The following GABRG1 variants were observed in gnomAD, a reference collection of about 807,000 sequenced individuals.
GABRG1 encodes the protein gamma-aminobutyric acid type A receptor subunit gamma1.
In GABRG1, 49 loss-of-function variants were observed where a neutral mutation model predicts 49.8. The observed-to-expected ratio is 0.98, with a 90% confidence interval of 0.78 to 1.25. GABRG1 has a LOEUF of 1.25. Ranked by LOEUF, GABRG1 falls within the 50% of genes most tolerant of loss-of-function variation. GABRG1 has a pLI of 0.00. For synonymous variants in GABRG1, 232 were observed against 185.1 expected (o/e 1.25, Z -2.06); for missense variants, 552 against 552.3 (o/e 1.00, Z 0.01).
chr4:46,109,389 G>A (rs1017267549), intron 1 of GABRG1, among the ~76,000 whole-genome samples: 7 of 150,880 alleles, frequency 4.6e-5, no homozygotes, highest in African/African-American at 1.7e-4. Context: ...TTCTGATTGT[G>A]CTTATTTGGA....
At chr4:46,093,221 C>A (rs1402443663) in intron 2 of GABRG1, among the ~76,000 whole-genome samples, 2 of 151,804 alleles carry the variant, frequency 1.3e-5, no homozygotes, top group Admixed American at 6.6e-5. Flanking sequence ...GAAGGTGTAA[C>A]CATCGCAAAG....
At chr4:46,084,156 C>T (rs535669934) in intron 2 of GABRG1, 103 bp from the exon 3 acceptor site, 7 of 635,118 alleles carry the variant, frequency 1.1e-5, no homozygotes, top group African/African-American at 1.9e-5. Context: ...TATATTAACA[C>T]TTCAATCATA....
chr4:46,074,889 G>C (rs1719267004), intron 3 of GABRG1, among the ~76,000 whole-genome samples: 1 of 151,960 alleles, frequency 6.6e-6, no homozygotes, highest in South Asian at 2.1e-4. Context: ...AAAGAACACT[G>C]ATTGGATGGA....
chr4:46,101,417 T>C (rs915521151), intron 1 of GABRG1, among the ~76,000 whole-genome samples: 1 of 151,016 alleles, frequency 6.6e-6, no homozygotes, highest in Non-Finnish European at 1.5e-5. Context: ...CACATTTGGA[T>C]TGTGTGTGGC....
Position 46,041,233 on chromosome 4 carries a change from C to A in GABRG1, c.1153G>T (p.Gly385Ter). 1 of 1,612,406 alleles carries A rather than the reference C, an allele frequency of 6.2e-7. No individual in the cohort carries two copies. The highest frequency in any genetic ancestry group is 8.5e-7 in the Non-Finnish European group (1 of 1,179,014). The change falls in exon 9 of 9, where the codon GGA becomes TGA. Residue 385 changes from glycine (G) to a stop codon, truncating the protein, a stop_gained. Transcript: ENST00000295452. LOFTEE classifies it high-confidence loss of function. The stretch of plus-strand genomic sequence containing the variant: ...TTATTCATTGGAATCAGAGTGGATC[C>A]AGGATGGAGACCAGGAGTCATCTGA... ...KASMTPGLHP[G>*]STLIPMNNIS... is the part of the protein sequence containing the mutation.
At chr4:46,072,936 G>C (rs1325454436) in intron 3 of GABRG1, among the ~76,000 whole-genome samples, 1 of 151,784 alleles carries the variant, frequency 6.6e-6, no homozygotes, top group Non-Finnish European at 1.5e-5. Flanking sequence ...ACTAATATTT[G>C]ACAGATTTTA....
intron 5 of GABRG1, among the ~76,000 whole-genome samples, chr4:46,058,953 T>C (rs1397014774): frequency 6.6e-6 from 1 of 152,132 alleles, no homozygotes; most frequent in African/African-American, 2.4e-5. Context: ...TTCTTTTTAA[T>C]ATAGATTTTT....
intron 3 of GABRG1, among the ~76,000 whole-genome samples, chr4:46,068,238 G>A (rs1176220071): frequency 6.6e-6 from 1 of 152,106 alleles, no homozygotes; most frequent in Non-Finnish European, 1.5e-5. Context: ...GGATCAAACA[G>A]CAGAAACTAC....
chr4:46,100,522 T>A (rs1440306092), intron 1 of GABRG1, among the ~76,000 whole-genome samples: 9 of 151,644 alleles, frequency 5.9e-5, no homozygotes, highest in Admixed American at 5.3e-4. Flanking sequence ...GGTGTGTGCT[T>A]CTGGAATGTT....
intron 1 of GABRG1, among the ~76,000 whole-genome samples, chr4:46,113,445 T>G (rs11945199): frequency 0.094 from 14,210 of 150,880 alleles, 1,662 homozygotes; most frequent in African/African-American, 0.28. Flanking sequence ...TCAATTACAT[T>G]CACCTGGTCT....
chr4:46,089,743 G>A (rs944668170), intron 2 of GABRG1, among the ~76,000 whole-genome samples: 6 of 151,950 alleles, frequency 3.9e-5, no homozygotes, highest in Non-Finnish European at 8.8e-5. Context: ...CAGGCAGATC[G>A]CTTGAGCTCA....
Position 46,118,130 on chromosome 4 carries a change from G to GTATATATATA in GABRG1, c.104+5679_104+5680insTATATATATA, listed in dbSNP as rs1413498033. On this transcript the variant is annotated intron_variant, in intron 1 of 8. Coordinates refer to ENST00000295452, the MANE Select transcript of GABRG1 (RefSeq NM_173536.4). ...TATATATACATATATACGTGTGTGT[G>GTATATATATA]TGTATATATATATATACAGCTACAG... Among the ~76,000 whole-genome samples the GTATATATATA allele has an allele frequency of 1.8e-3, 129 of 72,572 alleles. 13 individuals are homozygous for GTATATATATA. Among genetic ancestry groups the GTATATATATA allele is most frequent in the East Asian group, 0.011 (36 of 3,350 alleles). 47.6% of individuals were successfully genotyped at this position (72,572 alleles called of 152,430 possible). A position where few individuals can be genotyped will look rare whatever the true frequency, so the allele number is the denominator to read the frequency against.
At chr4:46,067,403 T>G (rs995156013) in intron 3 of GABRG1, among the ~76,000 whole-genome samples, 2 of 152,162 alleles carry the variant, frequency 1.3e-5, no homozygotes, top group African/African-American at 4.8e-5. Context: ...ATATATACAC[T>G]TATAATTCTG....
intron 3 of GABRG1, among the ~76,000 whole-genome samples, chr4:46,069,329 A>G (rs1266514189): frequency 1.3e-5 from 2 of 152,124 alleles, no homozygotes; most frequent in Non-Finnish European, 2.9e-5. Context: ...AATTTTTAGC[A>G]GTAATGGAGC....
chr4:46,118,471 A>G (rs1721001011), intron 1 of GABRG1, among the ~76,000 whole-genome samples: 1 of 150,994 alleles, frequency 6.6e-6, no homozygotes, highest in African/African-American at 2.4e-5. Flanking sequence ...TTATGTTAAT[A>G]TGCTATCTTG....
intron 3 of GABRG1, among the ~76,000 whole-genome samples, chr4:46,070,630 A>C (rs1560358279): frequency 6.6e-6 from 1 of 152,042 alleles, no homozygotes; most frequent in Non-Finnish European, 1.5e-5. Flanking sequence ...GCTGACTGAT[A>C]GGTAGAGGGA....
intron 3 of GABRG1, among the ~76,000 whole-genome samples, chr4:46,065,858 G>C (rs1718899098): frequency 6.6e-6 from 1 of 152,086 alleles, no homozygotes; most frequent in Admixed American, 6.5e-5. Flanking sequence ...GAGGAGCTGG[G>C]ACAACAGGCA....
intron 8 of GABRG1, among the ~76,000 whole-genome samples, chr4:46,050,827 G>A (rs1718186668): frequency 6.6e-6 from 1 of 151,730 alleles, no homozygotes; most frequent in Non-Finnish European, 1.5e-5. Context: ...CATTCAACAT[G>A]TGTTAGATAT....
intron 1 of GABRG1, among the ~76,000 whole-genome samples, chr4:46,122,498 C>A (rs966326210): frequency 6.6e-6 from 1 of 151,402 alleles, no homozygotes; most frequent in African/African-American, 2.4e-5. Context: ...TGTTTATGTT[C>A]GTGTCAAACA....
Sources: allele counts gnomAD v4.1 joint callset (sites outside exome capture counted in the v4.1 genomes callset), GRCh38; gene constraint gnomAD v4.1.1; transcripts MANE v1.5; gene names NCBI Gene and HGNC (gene_info 2026-07-23, HGNC 2026-07-21).